The following TMCC3 variants were observed in gnomAD, a reference collection of about 807,000 sequenced individuals.
TMCC3 encodes transmembrane and coiled-coil domain family 3.
Under a neutral mutation model 40.2 loss-of-function variants are expected in TMCC3, and 28 were observed. The observed-to-expected ratio is 0.70, with a 90% confidence interval of 0.52 to 0.95. TMCC3 has a LOEUF of 0.95. Among genes scored for constraint, TMCC3 ranks in the 40% least tolerant of loss-of-function variants. The pLI is 0.00. For missense variants in TMCC3, 554 were observed against 615.2 expected, an observed-to-expected ratio of 0.90 and a Z score of 1.05; for synonymous variants, 255 against 248.5, an observed-to-expected ratio of 1.03 and a Z score of -0.25.
At position 94,596,548 on chromosome 12, in the gene TMCC3, C is replaced by T. The variant is rs146775991; in HGVS notation, c.79-14010G>A. ...GATTGACTGCTTCCTTTGTGCTTCT[C>T]CCCATTTGCACTGACTCCTCATACA... On this transcript the variant is annotated intron_variant, in intron 1 of 3. Transcript: ENST00000261226. Among the ~76,000 whole-genome samples the T allele has an allele frequency of 2.6e-5, 4 of 152,274 alleles. No individual in the cohort carries two copies. In the East Asian group the frequency reaches 5.8e-4, roughly 22 times the overall value.
intron 1 of TMCC3, among the ~76,000 whole-genome samples, chr12:94,641,491 G>A (rs953347135): frequency 5.3e-5 from 8 of 152,246 alleles, no homozygotes; most frequent in South Asian, 2.1e-4. Context: ...CTTTTTCTAG[G>A]GGGACGCTTC....
chr12:94,629,078 C>A (rs1332956405), intron 1 of TMCC3, among the ~76,000 whole-genome samples: 1 of 152,160 alleles, frequency 6.6e-6, no homozygotes, highest in Non-Finnish European at 1.5e-5. Context: ...TGAGTCAAAT[C>A]AAAGAACCTA....
At chr12:94,641,544 G>C (rs1313455019) in intron 1 of TMCC3, among the ~76,000 whole-genome samples, 3 of 152,150 alleles carry the variant, frequency 2.0e-5, no homozygotes, top group Non-Finnish European at 4.4e-5. Flanking sequence ...ATGGGCCATC[G>C]GACTCAAGTC....
chr12:94,639,603 A>C (rs1158658224), intron 1 of TMCC3, among the ~76,000 whole-genome samples: 13 of 151,072 alleles, frequency 8.6e-5, no homozygotes, highest in African/African-American at 2.4e-5. Context: ...TAAATAAATA[A>C]ATTGATGAGT....
At chr12:94,620,179 A>G (rs1594291296) in intron 1 of TMCC3, among the ~76,000 whole-genome samples, 2 of 152,166 alleles carry the variant, frequency 1.3e-5, no homozygotes, top group Admixed American at 1.3e-4. Context: ...AAAAAGAAAC[A>G]TAACATTATT....
chr12:94,606,362 T>C (rs2068782713), intron 1 of TMCC3, among the ~76,000 whole-genome samples: 1 of 126,446 alleles, frequency 7.9e-6, no homozygotes, highest in Admixed American at 9.7e-5. Flanking sequence ...GTGAACTTTT[T>C]TCTTATTCTT....
intron 1 of TMCC3, chr12:94,615,934 C>G (rs977820262): frequency 1.0e-6 from 1 of 985,378 alleles, no homozygotes; most frequent in African/African-American, 1.7e-5. Context: ...AAGGGCCACA[C>G]AGCAAACCCA....
chr12:94,571,603 C>T lies in TMCC3; in HGVS notation c.1266G>A (p.Met422Ile). 1 of 1,614,160 alleles carries T rather than the reference C, an allele frequency of 6.2e-7. No individual in the cohort carries two copies. The highest frequency in any genetic ancestry group is 1.1e-5 in the South Asian group (1 of 91,080). Reference sequence around the variant, plus strand: ...TGGACACACACACTAAGATGACAGTCATGAAGGCCAGGATCACGTTGATGC... The same window carrying T: ...TGGACACACACACTAAGATGACAGTTATGAAGGCCAGGATCACGTTGATGC... ...GRCINVILAF[M>I]TVILVCVSTI... is the part of the protein sequence containing the mutation. The change falls in exon 4 of 4, where the codon ATG becomes ATA. Residue 422 changes from methionine (M) to isoleucine (I), a missense_variant. Met to Ile is a conservative substitution (Grantham distance 10). Coordinates refer to ENST00000261226, the MANE Select transcript of TMCC3 (RefSeq NM_020698.4).
Position 94,568,645 on chromosome 12 carries a change from A to C in TMCC3, c.*2790T>G, listed in dbSNP as rs1267035388. The stretch of plus-strand genomic sequence containing the variant: ...TCCTTACACATTGAAGAGAACAAAC[A>C]GTGGGAGTGTTTATTCCTTAAGAGA... On this transcript the variant is annotated 3_prime_UTR_variant, in exon 4 of 4. Transcript: ENST00000261226. 6.6e-6 allele frequency: 1 copy of C among 152,232 alleles called. No individual in the cohort carries two copies. The highest frequency in any genetic ancestry group is 2.4e-5 in the African/African-American group (1 of 41,464). 9.4% of individuals were successfully genotyped at this position (152,232 alleles called of 1,614,324 possible).
chr12:94,627,218 TTGTAA>T (rs2068908631), intron 1 of TMCC3, among the ~76,000 whole-genome samples: 1 of 152,140 alleles, frequency 6.6e-6, no homozygotes. Context: ...TTCATACAGC[TTGTAA>T]GAGCCAGGAT....
intron 1 of TMCC3, among the ~76,000 whole-genome samples, chr12:94,590,218 C>T (rs889706667): frequency 5.4e-5 from 8 of 149,062 alleles, no homozygotes; most frequent in African/African-American, 1.0e-4. Flanking sequence ...CTCAGCCTCC[C>T]GAGAAGCTGG....
chr12:94,595,723 C>A (rs766405498), intron 1 of TMCC3, among the ~76,000 whole-genome samples: 1 of 152,168 alleles, frequency 6.6e-6, no homozygotes, highest in Non-Finnish European at 1.5e-5. Context: ...ACAGTCATTT[C>A]TTCGCCTTTT....
chr12:94,599,565 C>CG (rs1304721739), intron 1 of TMCC3, among the ~76,000 whole-genome samples: 2 of 133,632 alleles, frequency 1.5e-5, no homozygotes, highest in African/African-American at 5.5e-5. Flanking sequence ...TACCCCCCCC[C>CG]CCGCCCACAC....
At position 94,570,181 on chromosome 12, in the gene TMCC3, C is replaced by T. The variant is rs765140102; in HGVS notation, c.*1254G>A. 4.6e-5 allele frequency: 7 copies of T among 152,326 alleles called. No homozygotes were observed. The highest frequency in any genetic ancestry group is 7.2e-5 in the African/African-American group (3 of 41,572). 9.4% of individuals were successfully genotyped at this position (152,326 alleles called of 1,614,324 possible). ...TTGCTAGTCTTTCACTTCTCAAAGA[C>T]GATGCTCTCAATCTTCATCCAGGTG... On this transcript the variant is annotated 3_prime_UTR_variant, in exon 4 of 4. Transcript: ENST00000261226.
At chr12:94,587,819 G>C (rs1465212654) in intron 1 of TMCC3, among the ~76,000 whole-genome samples, 1 of 152,196 alleles carries the variant, frequency 6.6e-6, no homozygotes, top group Non-Finnish European at 1.5e-5. Context: ...GTATTTTCAA[G>C]TCTTTTAAAA....
rs2068602412 is a variant in TMCC3 at position 94,581,678 on chromosome 12, C to A, written c.939G>T (p.Val313=). The change falls in exon 2 of 4, where the codon GTG becomes GTT. Residue 313 remains valine, a synonymous_variant. Transcript: ENST00000261226. ...TAAAACCATATTCTCTCTTAAACTG[C>A]ACCTTCAGTGCCTCGATGTCCTCAG... is the stretch of plus-strand genomic sequence containing the variant. ...QLAEDIEALK[V]QFKREYGFIS... is the part of the protein sequence containing the mutation. 6.2e-7 allele frequency: 1 copy of A among 1,613,808 alleles called. No individual in the cohort carries two copies. Among genetic ancestry groups the A allele is most frequent in the East Asian group, 2.2e-5 (1 of 44,886 alleles).
In TMCC3 at chr12:94,605,181, A is replaced by G. The variant is rs1159997369; in HGVS notation, c.79-22643T>C. 2.6e-5 allele frequency among the ~76,000 whole-genome samples: 4 copies of G among 152,196 alleles called. No homozygotes were observed. The East Asian group carries it at 7.7e-4, about 29-fold the overall frequency. On this transcript the variant is annotated intron_variant, in intron 1 of 3. Coordinates refer to ENST00000261226, the MANE Select transcript of TMCC3 (RefSeq NM_020698.4). ...ACCATGCTAGGCTAGACACCTGACCATGCAGACAAGGGGAAGCCAGGAATT... is the reference window on the plus strand; with the variant it reads ...ACCATGCTAGGCTAGACACCTGACCGTGCAGACAAGGGGAAGCCAGGAATT...
chr12:94,595,782 C>T (rs1478853035), intron 1 of TMCC3, among the ~76,000 whole-genome samples: 4 of 151,932 alleles, frequency 2.6e-5, no homozygotes, highest in Non-Finnish European at 5.9e-5. Context: ...TAATATATGC[C>T]AGCAGTATTA....
intron 1 of TMCC3, among the ~76,000 whole-genome samples, chr12:94,626,501 G>A (rs2068904856): frequency 6.6e-6 from 1 of 151,886 alleles, no homozygotes; most frequent in Non-Finnish European, 1.5e-5. Flanking sequence ...CTGAACCCTG[G>A]GGAAAAAAAG....
Sources: allele counts gnomAD v4.1 joint callset (sites outside exome capture counted in the v4.1 genomes callset), GRCh38; gene constraint gnomAD v4.1.1; transcripts MANE v1.5; gene names NCBI Gene and HGNC (gene_info 2026-07-23, HGNC 2026-07-21).